Variants in PTPRO observed in about 807,000 individuals in gnomAD.
The protein encoded by PTPRO is protein tyrosine phosphatase receptor type O, also known as receptor-type tyrosine-protein phosphatase O.
PTPRO carries 62 observed loss-of-function variants against 145.2 expected under a neutral mutation model. That is an observed-to-expected ratio of 0.43 (90% confidence interval 0.35 to 0.53). The LOEUF (loss-of-function observed/expected upper bound fraction) is 0.53, where lower values mean the gene tolerates loss of function less well. Ranked by LOEUF, PTPRO falls within the 20% of genes least tolerant of loss-of-function variation. The probability of loss-of-function intolerance (pLI) is 0.01; values close to 1 mark genes in which losing one functional copy is unlikely to be tolerated. For missense variants in PTPRO, 1,345 were observed against 1,482.7 expected, an observed-to-expected ratio of 0.91 and a Z score of 1.53; for synonymous variants, 565 against 514.7, an observed-to-expected ratio of 1.10 and a Z score of -1.32.
At chr12:15,526,826 G>A (rs1942849072) in intron 12 of PTPRO, among the ~76,000 whole-genome samples, 1 of 151,868 alleles carries the variant, frequency 6.6e-6, no homozygotes, top group Admixed American at 6.6e-5. Context: ...TGAATAAGTT[G>A]GGGTTTATAA....
Position 15,451,254 on chromosome 12 carries a change from G to A in PTPRO, c.76-32720G>A, listed in dbSNP as rs528765976. On this transcript the variant is annotated intron_variant, in intron 1 of 26. Coordinates refer to ENST00000281171, the MANE Select transcript of PTPRO (RefSeq NM_030667.3). Reference sequence around the variant, plus strand: ...AAAATAAAGAGAAACATTATATAATGATAAAAGGCCTTGTTCCACAGGAAA... The same window carrying A: ...AAAATAAAGAGAAACATTATATAATAATAAAAGGCCTTGTTCCACAGGAAA... Among the ~76,000 whole-genome samples, 5 of 152,054 alleles carry A rather than the reference G, an allele frequency of 3.3e-5. No homozygotes were observed. In the South Asian group the frequency reaches 1.0e-3, roughly 32 times the overall value.
intron 1 of PTPRO, among the ~76,000 whole-genome samples, chr12:15,480,771 A>G (rs1941762659): frequency 6.6e-6 from 1 of 152,074 alleles, no homozygotes; most frequent in Non-Finnish European, 1.5e-5. Flanking sequence ...GGATGCATGG[A>G]TGGACGGACG....
intron 6 of PTPRO, among the ~76,000 whole-genome samples, chr12:15,504,879 AG>A (rs1203772397): frequency 6.6e-6 from 1 of 152,248 alleles, no homozygotes; most frequent in Non-Finnish European, 1.5e-5. Context: ...AGAGGAGCTC[AG>A]CTTATGTAGC....
intron 1 of PTPRO, among the ~76,000 whole-genome samples, chr12:15,414,305 G>A (rs1408856026): frequency 6.6e-6 from 1 of 152,200 alleles, no homozygotes; most frequent in Non-Finnish European, 1.5e-5. Flanking sequence ...GTTTCTGGGT[G>A]ATACTAACAC....
At chr12:15,528,277 G>C (rs567679914) in intron 12 of PTPRO, among the ~76,000 whole-genome samples, 1 of 151,634 alleles carries the variant, frequency 6.6e-6, no homozygotes, top group Non-Finnish European at 1.5e-5. Flanking sequence ...AGCACTTTGG[G>C]AGGCCAAGGC....
At position 15,463,044 on chromosome 12, in the gene PTPRO, G is replaced by A. The variant is rs1941340828; in HGVS notation, c.76-20930G>A. 2.0e-5 allele frequency among the ~76,000 whole-genome samples: 3 copies of A among 152,052 alleles called. 1 individual carries two copies. The Middle Eastern group carries it at 0.01, about 517-fold the overall frequency. On this transcript the variant is annotated intron_variant, in intron 1 of 26. Transcript: ENST00000281171. ...TGCACCAATATATTTGCAAAATAAT[G>A]CATTGAATTATTATTAAATTCTTCT... is the stretch of plus-strand genomic sequence containing the variant.
intron 25 of PTPRO, among the ~76,000 whole-genome samples, chr12:15,593,268 T>C (rs1944590370): frequency 6.6e-6 from 1 of 152,230 alleles, no homozygotes; most frequent in African/African-American, 2.4e-5. Flanking sequence ...ATTAATTTTG[T>C]TTTTTGTATG....
intron 11 of PTPRO, among the ~76,000 whole-genome samples, chr12:15,525,354 T>C (rs1942816103): frequency 6.6e-6 from 1 of 152,174 alleles, no homozygotes; most frequent in African/African-American, 2.4e-5. Flanking sequence ...CTTTTGGATG[T>C]TTATTGATAA....
chr12:15,473,768 C>CAAAAAAAAAAAA (rs11340085), intron 1 of PTPRO, among the ~76,000 whole-genome samples: 1 of 65,576 alleles, frequency 1.5e-5, no homozygotes, highest in Non-Finnish European at 2.8e-5. Context: ...GACTCCATCT[C>CAAAAAAAAAAAA]AAAAAAAAAA....
intron 1 of PTPRO, among the ~76,000 whole-genome samples, chr12:15,430,353 A>T (rs1298031672): frequency 6.6e-6 from 1 of 152,066 alleles, no homozygotes. Context: ...TTGTACTATG[A>T]TAGAAGCCGA....
chr12:15,507,862 A>G (rs1267671505), intron 6 of PTPRO, among the ~76,000 whole-genome samples: 2 of 152,224 alleles, frequency 1.3e-5, no homozygotes, highest in Non-Finnish European at 2.9e-5. Context: ...TCACATTTGC[A>G]TTTCAGCAGG....
chr12:15,362,594 T>A (rs1938242684), intron 1 of PTPRO, among the ~76,000 whole-genome samples: 1 of 152,162 alleles, frequency 6.6e-6, no homozygotes, highest in Non-Finnish European at 1.5e-5. Context: ...TGTATCTTAT[T>A]ATTATATGCT....
At chr12:15,448,349 A>AAAAAAAAAAAAAAAAAAAAAG (rs1193102294) in intron 1 of PTPRO, among the ~76,000 whole-genome samples, 1 of 147,374 alleles carries the variant, frequency 6.8e-6, no homozygotes, top group Non-Finnish European at 1.5e-5. Context: ...TAAAAAAAAA[A>AAAAAAAAAAAAAAAAAAAAAG]AAAAAAAAAA....
chr12:15,403,779 A>G (rs1392906247), intron 1 of PTPRO, among the ~76,000 whole-genome samples: 1 of 151,848 alleles, frequency 6.6e-6, no homozygotes, highest in Non-Finnish European at 1.5e-5. Context: ...TGTTTACCTG[A>G]TTATTGCTTG....
In PTPRO at chr12:15,322,900, G is replaced by C; in HGVS notation, c.75+99G>C. 2 of 1,236,616 alleles carry C rather than the reference G, an allele frequency of 1.6e-6. No homozygotes were observed. Among genetic ancestry groups the C allele is most frequent in the Middle Eastern group, 2.7e-4 (1 of 3,724 alleles). The allele number at this position is 1,236,616 out of a possible 1,614,324, so 76.6% of individuals were successfully genotyped here. A position where few individuals can be genotyped will look rare whatever the true frequency, so the allele number is the denominator to read the frequency against. ...TTGGGAGCGGCGCGCCCCAGGGCAC[G>C]ATGGCCCAGCCGCGGGAAGCGCCTG... On this transcript the variant is annotated intron_variant, in intron 1 of 26. Coordinates refer to ENST00000281171, the MANE Select transcript of PTPRO (RefSeq NM_030667.3). The surrounding 1 kb of genome is among the most constrained non-coding windows in gnomAD (Gnocchi z 6.3).
intron 1 of PTPRO, among the ~76,000 whole-genome samples, chr12:15,472,684 G>A (rs1227614296): frequency 1.3e-5 from 2 of 152,170 alleles, no homozygotes; most frequent in Non-Finnish European, 2.9e-5. Context: ...GTATTGGCCA[G>A]GATATTTGGA....
At chr12:15,567,934 G>A (rs964139297) in intron 18 of PTPRO, among the ~76,000 whole-genome samples, 3 of 152,180 alleles carry the variant, frequency 2.0e-5, no homozygotes, top group Non-Finnish European at 2.9e-5. Context: ...GATAATGCAT[G>A]TGACTATTTA....
chr12:15,342,334 C>A (rs1450759884), intron 1 of PTPRO, among the ~76,000 whole-genome samples: 2 of 152,008 alleles, frequency 1.3e-5, no homozygotes. Flanking sequence ...AATTTCATAC[C>A]CATACCACCC....
rs570839503 is a variant in PTPRO, at chr12:15,322,998, G to A, written c.75+197G>A. Reference sequence around the variant, plus strand: ...CTGGTGGTCTTGAGAGGTAGGGGGCGGGGGGAAGAATAAGGGAAGTTTGCT... The same window carrying A: ...CTGGTGGTCTTGAGAGGTAGGGGGCAGGGGGAAGAATAAGGGAAGTTTGCT... On this transcript the variant is annotated intron_variant, in intron 1 of 26. Coordinates refer to ENST00000281171, the MANE Select transcript of PTPRO (RefSeq NM_030667.3). This position sits in a 1 kb window ranked among gnomAD's most constrained non-coding sequence, Gnocchi z 6.3. 1.3e-5 allele frequency among the ~76,000 whole-genome samples: 2 copies of A among 152,346 alleles called. No homozygotes were observed. Among genetic ancestry groups the A allele is most frequent in the African/African-American group, 4.8e-5 (2 of 41,588 alleles).
Sources: allele counts gnomAD v4.1 joint callset (sites outside exome capture counted in the v4.1 genomes callset), GRCh38; gene constraint gnomAD v4.1.1; non-coding constraint Gnocchi (gnomAD v3.1); transcripts MANE v1.5; gene names NCBI Gene and HGNC (gene_info 2026-07-23, HGNC 2026-07-21).